Variants in PCDHA6 observed in about 807,000 individuals in gnomAD.
PCDHA6 encodes protocadherin alpha 6, also known as protocadherin alpha-6.
In PCDHA6, 55 loss-of-function variants were observed where a neutral mutation model predicts 60.3. That is an observed-to-expected ratio of 0.91 (90% CI 0.73 to 1.14). The LOEUF is 1.14. Among genes scored for constraint, PCDHA6 ranks in the 50% most tolerant of loss-of-function variants. The pLI is 0.00. For missense variants in PCDHA6, 1,327 were observed against 1,256.5 expected (o/e 1.06, Z -0.85); for synonymous variants, 652 against 557.9 (o/e 1.17, Z -2.38).
chr5:140,989,758 T>C (rs1554251084), intron 3 of PCDHA6, among the ~76,000 whole-genome samples: 1 of 152,188 alleles, frequency 6.6e-6, no homozygotes, highest in African/African-American at 2.4e-5. Flanking sequence ...GAGAAACATA[T>C]TCAGTTCAAG....
At chr5:140,870,482 C>T in intron 1 of PCDHA6, 1 of 1,614,244 alleles carries the variant, frequency 6.2e-7, no homozygotes, top group South Asian at 1.1e-5. Flanking sequence ...CCCGAGTACA[C>T]CGTGTTCGTG....
intron 1 of PCDHA6, chr5:140,875,529 G>A: frequency 1.2e-6 from 2 of 1,614,112 alleles, no homozygotes; most frequent in South Asian, 1.1e-5. Context: ...TCTCGCTTCT[G>A]CTCCTTGCAG....
In PCDHA6 at chr5:140,846,979, A is replaced by G. The variant is rs2150396342; in HGVS notation, c.2394+16494A>G. On this transcript the variant is annotated intron_variant, in intron 1 of 3. Transcript: ENST00000529310. ...GTGTTTCAGTGGTTTTAAAATAAGT[A>G]AGTTCCCCCCGGGAGAATATTGAGA... Among the ~76,000 whole-genome samples, 3 of 149,618 alleles carry G rather than the reference A, an allele frequency of 2.0e-5. 1 individual carries two copies. The highest frequency in any genetic ancestry group is 3.0e-5 in the Non-Finnish European group (2 of 66,912).
At chr5:140,967,695 T>G in intron 1 of PCDHA6, 1 of 1,614,184 alleles carries the variant, frequency 6.2e-7, no homozygotes, top group Non-Finnish European at 8.5e-7. Flanking sequence ...CTCTTCAGCA[T>G]AGATGCCAGT....
At chr5:140,875,391 A>G (rs1582202337) in intron 1 of PCDHA6, 2 of 1,472,582 alleles carry the variant, frequency 1.4e-6, no homozygotes, top group African/African-American at 2.8e-5. Flanking sequence ...ACTTACAGAA[A>G]AGGGTGACTG....
chr5:140,897,946 T>G (rs1311278458), intron 1 of PCDHA6, among the ~76,000 whole-genome samples: 1 of 152,276 alleles, frequency 6.6e-6, no homozygotes, highest in African/African-American at 2.4e-5. Context: ...CCAGTGATGA[T>G]TAGCATTTTT....
At chr5:140,968,170 C>G in intron 1 of PCDHA6, 1 of 1,614,132 alleles carries the variant, frequency 6.2e-7, no homozygotes, top group Middle Eastern at 1.6e-4. Context: ...ATCCACCAAG[C>G]TTCCTGGAGG....
intron 1 of PCDHA6, among the ~76,000 whole-genome samples, chr5:140,881,006 G>A (rs2058554707): frequency 6.6e-6 from 1 of 152,172 alleles, no homozygotes; most frequent in South Asian, 2.1e-4. Flanking sequence ...GGAGAGCAGA[G>A]CTATGGAAAT....
At position 140,843,448 on chromosome 5, in the gene PCDHA6, C is replaced by A. The variant is rs2150360253; in HGVS notation, c.2394+12963C>A. 12 of 1,595,998 alleles carry A rather than the reference C, an allele frequency of 7.5e-6. 1 individual carries two copies. The highest frequency in any genetic ancestry group is 1.3e-5 in the African/African-American group (1 of 74,422). ...TCATCGCCATCTGCGCGGTATCCAGCCTGCTGGTGCTCACGCTGCTGCTGT... is the reference window on the plus strand; with the variant it reads ...TCATCGCCATCTGCGCGGTATCCAGACTGCTGGTGCTCACGCTGCTGCTGT... On this transcript the variant is annotated intron_variant, in intron 1 of 3. Transcript: ENST00000529310.
chr5:140,903,357 T>C (rs1554190932), intron 1 of PCDHA6, among the ~76,000 whole-genome samples: 1 of 152,166 alleles, frequency 6.6e-6, no homozygotes, highest in African/African-American at 2.4e-5. Flanking sequence ...AAACAAGTTT[T>C]TCAAAAATAT....
chr5:140,947,277 T>C (rs1272482991), intron 1 of PCDHA6, among the ~76,000 whole-genome samples: 3 of 151,662 alleles, frequency 2.0e-5, no homozygotes, highest in African/African-American at 7.2e-5. Context: ...AAATACTTTT[T>C]CTTTTTATTG....
At chr5:140,842,727 C>T (rs1554139317) in intron 1 of PCDHA6, 3 of 1,594,926 alleles carry the variant, frequency 1.9e-6, no homozygotes, top group Non-Finnish European at 1.7e-6. Context: ...GAGAACAACC[C>T]GCCGGGCTGC....
chr5:140,836,198 G>C lies in PCDHA6; in HGVS notation c.2394+5713G>C. The C allele has an allele frequency of 3.1e-6, 5 of 1,613,862 alleles. 1 individual carries two copies. The South Asian group carries it at 5.5e-5, about 18-fold the overall frequency. ...TTGACGCTGACTCAGGCTACAACGC[G>C]TGGCTTTCGTATGAGTTGCAACCGG... is the stretch of plus-strand genomic sequence containing the variant. On this transcript the variant is annotated intron_variant, in intron 1 of 3. Transcript: ENST00000529310.
chr5:140,968,209 C>G (rs781795931), intron 1 of PCDHA6: 5 of 1,614,002 alleles, frequency 3.1e-6, no homozygotes, highest in Non-Finnish European at 4.2e-6. Context: ...TACAGGAGAA[C>G]AATTTGCCAG....
chr5:140,980,252 A>C (rs993133768), intron 2 of PCDHA6, among the ~76,000 whole-genome samples: 6 of 152,188 alleles, frequency 3.9e-5, no homozygotes, highest in African/African-American at 1.4e-4. Context: ...CAATGGGTAA[A>C]AGCATGGTTT....
chr5:140,841,831 C>G (rs2150323800), intron 1 of PCDHA6: 1 of 1,613,930 alleles, frequency 6.2e-7, no homozygotes, highest in East Asian at 2.2e-5. Context: ...TGTTAACCTA[C>G]AGGCTTAGCT....
intron 1 of PCDHA6, among the ~76,000 whole-genome samples, chr5:140,855,633 AT>A (rs1445956184): frequency 6.7e-6 from 1 of 149,874 alleles, no homozygotes; most frequent in Non-Finnish European, 1.5e-5. Flanking sequence ...AAATTCGGCT[AT>A]TGATAATCAT....
intron 1 of PCDHA6, chr5:140,836,034 C>T (rs2150251193): frequency 1.2e-6 from 2 of 1,613,480 alleles, no homozygotes; most frequent in Non-Finnish European, 1.7e-6. Context: ...CAACGTGACG[C>T]TGCAGGTGTT....
At chr5:140,839,943 G>A (rs1281845453) in intron 1 of PCDHA6, among the ~76,000 whole-genome samples, 2 of 151,554 alleles carry the variant, frequency 1.3e-5, no homozygotes, top group East Asian at 3.9e-4. Flanking sequence ...TGCCAAGAAG[G>A]AGACAACATA....
Sources: allele counts gnomAD v4.1 joint callset (sites outside exome capture counted in the v4.1 genomes callset), GRCh38; gene constraint gnomAD v4.1.1; transcripts MANE v1.5; gene names NCBI Gene and HGNC (gene_info 2026-07-23, HGNC 2026-07-21).